ADCY5: variants seen among roughly 807,000 people sequenced by gnomAD.
The protein encoded by ADCY5 is adenylate cyclase 5.
ADCY5 carries 30 observed loss-of-function variants against 119.7 expected under a neutral mutation model. The observed-to-expected ratio is 0.25, with a 90% CI of 0.19 to 0.34. ADCY5 has a LOEUF of 0.34. Among genes scored for constraint, ADCY5 ranks in the 10% least tolerant of loss-of-function variants. The pLI is 1.00. For synonymous variants in ADCY5, 753 were observed against 762.2 expected (o/e 0.99, Z 0.20); for missense variants, 1,324 against 1,775.2 (o/e 0.75, Z 4.57).
At chr3:123,409,495 T>C (rs1285416246) in intron 1 of ADCY5, among the ~76,000 whole-genome samples, 1 of 152,176 alleles carries the variant, frequency 6.6e-6, no homozygotes, top group Non-Finnish European at 1.5e-5. Flanking sequence ...AAAGGATGTG[T>C]TCCTGCTAAT....
At chr3:123,425,786 C>T (rs1469421643) in intron 1 of ADCY5, among the ~76,000 whole-genome samples, 1 of 150,170 alleles carries the variant, frequency 6.7e-6, no homozygotes, top group Admixed American at 6.6e-5. Context: ...CTAGGGGCAG[C>T]CTGGCTCCTG....
At chr3:123,340,783 A>C (rs1942240715) in intron 3 of ADCY5, among the ~76,000 whole-genome samples, 1 of 152,138 alleles carries the variant, frequency 6.6e-6, no homozygotes, top group Non-Finnish European at 1.5e-5. Flanking sequence ...CTAAAGATAG[A>C]ATCGCCGTAT....
chr3:123,441,275 T>A (rs143135362), intron 1 of ADCY5, among the ~76,000 whole-genome samples: 1 of 152,324 alleles, frequency 6.6e-6, no homozygotes, highest in African/African-American at 2.4e-5. Flanking sequence ...CCTGTGAATC[T>A]GCATTTTTTC....
At chr3:123,346,669 G>T (rs1265806851) in intron 3 of ADCY5, among the ~76,000 whole-genome samples, 1 of 148,152 alleles carries the variant, frequency 6.7e-6, no homozygotes, top group Non-Finnish European at 1.5e-5. Flanking sequence ...GTGTGTGAGA[G>T]AGAGAGATAA....
chr3:123,383,878 C>T (rs558644319), intron 1 of ADCY5, among the ~76,000 whole-genome samples: 3 of 151,590 alleles, frequency 2.0e-5, no homozygotes, highest in Non-Finnish European at 4.4e-5. Context: ...CACAAACACA[C>T]ACACACTCTT....
At chr3:123,444,195 G>T (rs780358725) in intron 1 of ADCY5, among the ~76,000 whole-genome samples, 2 of 152,174 alleles carry the variant, frequency 1.3e-5, no homozygotes, top group Admixed American at 6.5e-5. Context: ...TATGGTATGG[G>T]TGTAGCAGAG....
chr3:123,447,407 C>T lies in ADCY5; in HGVS notation c.1134+5G>A, dbSNP rs529490643. The T allele has an allele frequency of 6.4e-7, 1 of 1,559,568 alleles. No individual in the cohort carries two copies. The highest frequency in any genetic ancestry group is 1.8e-5 in the Admixed American group (1 of 54,474). On this transcript the variant is annotated splice_donor_5th_base_variant and intron_variant, in intron 1 of 20. Transcript: ENST00000462833. ...TCCAGTCCCGGTGGCCAGGTCGGCC[C>T]CTACCTGCTTCAGCAGGAACTGGTC... is the stretch of plus-strand genomic sequence containing the variant.
intron 1 of ADCY5, chr3:123,367,960 G>T (rs947052483): frequency 3.9e-6 from 6 of 1,535,200 alleles, no homozygotes; most frequent in Non-Finnish European, 5.2e-6. Flanking sequence ...ACAGGCCTGG[G>T]CCCTACCCAG....
At chr3:123,325,646 T>C (rs967484128) in intron 7 of ADCY5, among the ~76,000 whole-genome samples, 184 bp from the exon 8 acceptor site, 1 of 152,132 alleles carries the variant, frequency 6.6e-6, no homozygotes, top group African/African-American at 2.4e-5. Flanking sequence ...CCTGGATCTC[T>C]CCAAACTCCC....
At position 123,286,927 on chromosome 3, in the gene ADCY5, C is replaced by T. The variant is rs1234005572; in HGVS notation, c.3533-118G>A. 3 of 1,399,410 alleles carry T rather than the reference C, an allele frequency of 2.1e-6. No homozygotes were observed. Among genetic ancestry groups the T allele is most frequent in the Non-Finnish European group, 2.8e-6 (3 of 1,058,422 alleles). The allele number at this position is 1,399,410 out of a possible 1,614,324, so 86.7% of individuals were successfully genotyped here. ...CCAACCTGAGACACCCGTGGGCTTC[C>T]AGGCCCAAGGCTGTGCTAAACCCTG... On this transcript the variant is annotated intron_variant, in intron 19 of 20. Coordinates refer to ENST00000462833, the MANE Select transcript of ADCY5 (RefSeq NM_183357.3). This position sits in a 1 kb window ranked among gnomAD's most constrained non-coding sequence, Gnocchi z 4.2.
intron 1 of ADCY5, among the ~76,000 whole-genome samples, chr3:123,393,745 G>A (rs1183119580): frequency 6.6e-6 from 1 of 151,998 alleles, no homozygotes; most frequent in Non-Finnish European, 1.5e-5. Flanking sequence ...CCTGCACCCT[G>A]CCTCCCTGAC....
Position 123,352,626 on chromosome 3 carries a change from C to T in ADCY5, c.1135-45G>A. 1 of 1,563,632 alleles carries T rather than the reference C, an allele frequency of 6.4e-7. No homozygotes were observed. The highest frequency in any genetic ancestry group is 8.7e-7 in the Non-Finnish European group (1 of 1,148,370). ...CACACCTAGCTCAGATCCTGACCTT[C>T]CTGGCCCCAAAGCATGAAGCCCTCA... On this transcript the variant is annotated intron_variant, in intron 1 of 20. Coordinates refer to ENST00000462833, the MANE Select transcript of ADCY5 (RefSeq NM_183357.3). The surrounding 1 kb of genome is among the most constrained non-coding windows in gnomAD (Gnocchi z 4.8).
chr3:123,290,511 G>C (rs1939081023), intron 18 of ADCY5, among the ~76,000 whole-genome samples: 1 of 152,206 alleles, frequency 6.6e-6, no homozygotes. Flanking sequence ...CATGACTCAG[G>C]AGCTCCCAGG....
chr3:123,394,007 G>C (rs1346559792), intron 1 of ADCY5, among the ~76,000 whole-genome samples: 1 of 152,124 alleles, frequency 6.6e-6, no homozygotes, highest in Non-Finnish European at 1.5e-5. Context: ...CAGGCGTGGT[G>C]ATGGGCACCT....
Position 123,282,347 on chromosome 3 carries a change from T to C in ADCY5, c.*2261A>G, listed in dbSNP as rs1468199122. Reference sequence around the variant, plus strand: ...AATTATTTAAATAGACTTTTCAATTTCCATGGGAAATCATAATCGTATCTG... The same window carrying C: ...AATTATTTAAATAGACTTTTCAATTCCCATGGGAAATCATAATCGTATCTG... On this transcript the variant is annotated 3_prime_UTR_variant, in exon 21 of 21. Coordinates refer to ENST00000462833, the MANE Select transcript of ADCY5 (RefSeq NM_183357.3). 6.6e-6 allele frequency: 1 copy of C among 152,248 alleles called. No homozygotes were observed. Among genetic ancestry groups the C allele is most frequent in the Non-Finnish European group, 1.5e-5 (1 of 68,054 alleles). The allele number at this position is 152,248 out of a possible 1,614,324, so 9.4% of individuals were successfully genotyped here.
intron 11 of ADCY5, among the ~76,000 whole-genome samples, chr3:123,316,999 G>A (rs1034566072): frequency 6.6e-6 from 1 of 151,408 alleles, no homozygotes; most frequent in Non-Finnish European, 1.5e-5. Flanking sequence ...ATAATAAAAA[G>A]TAAAAATATG....
intron 1 of ADCY5, among the ~76,000 whole-genome samples, chr3:123,387,544 C>T (rs1400512697): frequency 6.6e-6 from 1 of 152,162 alleles, no homozygotes; most frequent in Non-Finnish European, 1.5e-5. Flanking sequence ...ACAAAAAATA[C>T]AAATCTACAA....
intron 1 of ADCY5, among the ~76,000 whole-genome samples, chr3:123,432,039 T>C (rs1255966548): frequency 2.0e-5 from 3 of 152,116 alleles, no homozygotes; most frequent in Non-Finnish European, 4.4e-5. Context: ...TACCTTTACT[T>C]CCCACACCTT....
At chr3:123,338,102 A>G (rs990016395) in intron 3 of ADCY5, among the ~76,000 whole-genome samples, 2 of 151,946 alleles carry the variant, frequency 1.3e-5, no homozygotes, top group African/African-American at 4.9e-5. Context: ...AACAACATTG[A>G]TATGTGAGGA....
Sources: gnomAD v4.1 joint callset for allele counts (sites outside exome capture counted in the v4.1 genomes callset) on GRCh38, gnomAD v4.1.1 for gene constraint, Gnocchi (gnomAD v3.1) non-coding constraint, MANE v1.5 for transcripts, NCBI Gene and HGNC (gene_info 2026-07-23, HGNC 2026-07-21) for gene names.